The following TTLL1 variants were observed in gnomAD, a reference collection of about 807,000 sequenced individuals.
TTLL1 encodes TTL family tubulin polyglutamylase complex subunit L1.
TTLL1 carries 33 observed loss-of-function variants against 47.8 expected under a neutral mutation model. The ratio of observed to expected loss-of-function variants is 0.69; its 90% confidence interval spans 0.52 to 0.92. The LOEUF (loss-of-function observed/expected upper bound fraction) is 0.92, where lower values mean the gene tolerates loss of function less well. Ranked by LOEUF, TTLL1 falls within the 40% of genes least tolerant of loss-of-function variation. The pLI is 0.00. For missense variants in TTLL1, 488 were observed against 547.5 expected (o/e 0.89, Z 1.08); for synonymous variants, 225 against 214.1 (o/e 1.05, Z -0.45).
At chr22:43,041,450 T>TA (rs1925671426) in intron 10 of TTLL1, 1 of 152,060 alleles carries the variant, frequency 6.6e-6, no homozygotes, top group Admixed American at 6.6e-5. Context: ...CTTCTGAGGT[T>TA]AAAGAATGTA....
At chr22:43,069,517 A>T in intron 4 of TTLL1, 119 bp downstream of exon 4, 1 of 1,523,726 alleles carries the variant, frequency 6.6e-7, no homozygotes, top group East Asian at 2.3e-5. Flanking sequence ...AGGTGCCACC[A>T]CAACTCGCAT....
chr22:43,041,259 G>C (rs558012080), intron 10 of TTLL1: 1 of 152,166 alleles, frequency 6.6e-6, no homozygotes, highest in African/African-American at 2.4e-5. Context: ...CACATCCGTC[G>C]GTGTGCTGCG....
At chr22:43,058,251 T>C (rs1157024013) in intron 8 of TTLL1, among the ~76,000 whole-genome samples, 2 of 152,068 alleles carry the variant, frequency 1.3e-5, no homozygotes, top group African/African-American at 4.8e-5. Flanking sequence ...GCCCCGGAAA[T>C]ATTAATAGTA....
intron 3 of TTLL1, among the ~76,000 whole-genome samples, chr22:43,071,730 G>T (rs1928137182): frequency 6.6e-6 from 1 of 152,190 alleles, no homozygotes; most frequent in African/African-American, 2.4e-5. Flanking sequence ...ACTTTGGAAG[G>T]CTGAGAATTG....
intron 3 of TTLL1, among the ~76,000 whole-genome samples, chr22:43,074,302 T>C (rs1928334130): frequency 6.6e-6 from 1 of 151,508 alleles, no homozygotes; most frequent in Non-Finnish European, 1.5e-5. Flanking sequence ...TGGCACATGC[T>C]TGTAATCCCA....
At chr22:43,084,533 G>A (rs1003259967) in intron 1 of TTLL1, among the ~76,000 whole-genome samples, 28 of 151,590 alleles carry the variant, frequency 1.8e-4, no homozygotes, top group Admixed American at 8.6e-4. Context: ...ATGGAGTCTT[G>A]CTCAATCGCC....
intron 9 of TTLL1, among the ~76,000 whole-genome samples, chr22:43,048,261 G>A (rs996705593): frequency 6.6e-6 from 1 of 151,596 alleles, no homozygotes; most frequent in Non-Finnish European, 1.5e-5. Context: ...AGGTTGCAGT[G>A]AGCTGAGATC....
intron 1 of TTLL1, among the ~76,000 whole-genome samples, chr22:43,084,032 T>C (rs1929066585): frequency 6.6e-6 from 1 of 152,216 alleles, no homozygotes; most frequent in Non-Finnish European, 1.5e-5. Context: ...TCATACTTTC[T>C]ACTAACCATT....
intron 7 of TTLL1, among the ~76,000 whole-genome samples, chr22:43,060,586 G>A (rs1238915197): frequency 6.6e-6 from 1 of 152,212 alleles, no homozygotes; most frequent in African/African-American, 2.4e-5. Context: ...ATTTCACAGG[G>A]GACGCCGGGC....
chr22:43,050,890 C>T (rs1926571157), intron 9 of TTLL1, among the ~76,000 whole-genome samples: 1 of 152,210 alleles, frequency 6.6e-6, no homozygotes, highest in African/African-American at 2.4e-5. Context: ...CCCGCTCACA[C>T]ACCCAGCTTT....
At position 43,053,736 on chromosome 22, in the gene TTLL1, C is replaced by T. The variant is rs139200843; in HGVS notation, c.892-1849G>A. 3.4e-3 allele frequency among the ~76,000 whole-genome samples: 514 copies of T among 152,312 alleles called. 1 individual carries two copies. The highest frequency in any genetic ancestry group is 0.012 in the African/African-American group (501 of 41,574). On this transcript the variant is annotated intron_variant, in intron 8 of 10. Transcript: ENST00000266254. The stretch of plus-strand genomic sequence containing the variant: ...TGAATAAAAACTGAATAAATAAATT[C>T]CTGCTCCCAAAGCCTCACAGAGCCT...
chr22:43,081,453 T>C (rs977254170), intron 1 of TTLL1, among the ~76,000 whole-genome samples: 2 of 152,302 alleles, frequency 1.3e-5, no homozygotes, highest in African/African-American at 2.4e-5. Context: ...CACAAACTTA[T>C]GGGGAAGTCC....
rs550153530 is a variant in TTLL1, at chr22:43,070,090, C to T, written c.114-246G>A. ...TTCTGAGCTGTTTCCCTCTCTGGCC[C>T]GGAGCAGGCACTCAATAGATGTTTA... On this transcript the variant is annotated intron_variant, in intron 3 of 10. Transcript: ENST00000266254. 1.1e-4 allele frequency: 149 copies of T among 1,298,546 alleles called. 2 individuals are homozygous for T. The South Asian group carries it at 1.5e-3, about 13-fold the overall frequency. The allele number at this position is 1,298,546 out of a possible 1,614,324, so 80.4% of individuals were successfully genotyped here.
intron 1 of TTLL1, among the ~76,000 whole-genome samples, chr22:43,082,409 G>GA (rs1469995113): frequency 6.6e-6 from 1 of 151,672 alleles, no homozygotes; most frequent in African/African-American, 2.4e-5. Context: ...AAATCTTTTG[G>GA]AAAAAAAATA....
At chr22:43,049,090 A>G (rs1926386559) in intron 9 of TTLL1, among the ~76,000 whole-genome samples, 1 of 151,966 alleles carries the variant, frequency 6.6e-6, no homozygotes, top group Non-Finnish European at 1.5e-5. Context: ...ATTCTGCAAT[A>G]TATCCATGTA....
chr22:43,057,305 G>T (rs1927084898), intron 8 of TTLL1, among the ~76,000 whole-genome samples: 1 of 149,366 alleles, frequency 6.7e-6, no homozygotes, highest in Non-Finnish European at 1.5e-5. Flanking sequence ...AAAAAGCAGG[G>T]TCTTACTTTG....
At chr22:43,054,687 G>T (rs1044042016) in intron 8 of TTLL1, among the ~76,000 whole-genome samples, 2 of 144,898 alleles carry the variant, frequency 1.4e-5, no homozygotes, top group African/African-American at 2.6e-5. Context: ...CCCTCCCAAA[G>T]TACTGGGATT....
At chr22:43,069,393 A>C (rs1927961935) in intron 4 of TTLL1, among the ~76,000 whole-genome samples, 1 of 122,296 alleles carries the variant, frequency 8.2e-6, no homozygotes, top group Non-Finnish European at 1.7e-5. Context: ...TTCTGTCTCA[A>C]AAAAAAAAAA....
At chr22:43,066,291 AATGGGGGTGGGGTGT>A (rs1312202621) in intron 5 of TTLL1, among the ~76,000 whole-genome samples, 1 of 151,972 alleles carries the variant, frequency 6.6e-6, no homozygotes, top group Non-Finnish European at 1.5e-5. Context: ...TCAGGAAGGA[AATGGGGGTGGGGTGT>A]ATCCATGGAG....
Sources: allele counts gnomAD v4.1 joint callset (sites outside exome capture counted in the v4.1 genomes callset), GRCh38; gene constraint gnomAD v4.1.1; transcripts MANE v1.5; gene names NCBI Gene and HGNC (gene_info 2026-07-23, HGNC 2026-07-21).